HDAC9: variants seen among roughly 807,000 people sequenced by gnomAD.
HDAC9 encodes MEF-2 interacting transcription repressor (MITR) protein.
Under a neutral mutation model 139.4 loss-of-function variants are expected in HDAC9, and 41 were observed. The observed-to-expected ratio is 0.29, with a 90% confidence interval of 0.23 to 0.38. HDAC9 has a LOEUF of 0.38. Ranked by LOEUF, HDAC9 falls within the 10% of genes least tolerant of loss-of-function variation. HDAC9 has a pLI of 1.00. For synonymous variants in HDAC9, 517 were observed against 476.2 expected (o/e 1.09, Z -1.12); for missense variants, 1,147 against 1,297.0 (o/e 0.88, Z 1.78).
intron 1 of HDAC9, among the ~76,000 whole-genome samples, chr7:18,308,677 A>G (rs1190173842): frequency 6.6e-6 from 1 of 152,204 alleles, no homozygotes; most frequent in Non-Finnish European, 1.5e-5. Context: ...AGTGGAAACT[A>G]TATTAAGCAA....
At chr7:18,304,006 T>C (rs1446114650) in intron 1 of HDAC9, among the ~76,000 whole-genome samples, 1 of 152,224 alleles carries the variant, frequency 6.6e-6, no homozygotes, top group African/African-American at 2.4e-5. Flanking sequence ...GGTTTCTTTG[T>C]TACAGCAGCT....
intron 13 of HDAC9, among the ~76,000 whole-genome samples, chr7:18,740,860 C>T (rs1389210237): frequency 6.6e-6 from 1 of 152,124 alleles, no homozygotes; most frequent in African/African-American, 2.4e-5. Context: ...GAAAGCAAAA[C>T]AGCCTTATTG....
At chr7:18,507,665 AT>A (rs1325157843) in intron 2 of HDAC9, among the ~76,000 whole-genome samples, 7 of 151,834 alleles carry the variant, frequency 4.6e-5, no homozygotes, top group South Asian at 2.1e-4. Flanking sequence ...CTAAATTTGT[AT>A]TTTTAGTAAA....
intron 11 of HDAC9, among the ~76,000 whole-genome samples, chr7:18,660,499 A>C (rs554058297): frequency 6.6e-6 from 1 of 152,158 alleles, no homozygotes; most frequent in Non-Finnish European, 1.5e-5. Context: ...TGAAGCTCCA[A>C]TTAGGTGTTA....
chr7:18,265,866 C>T (rs4416737), intron 2 of HDAC9, among the ~76,000 whole-genome samples: 58,504 of 151,890 alleles, frequency 0.39, 12,656 homozygotes, highest in Admixed American at 0.51. Context: ...GATAATATTG[C>T]TCAAAGAGGA....
At chr7:18,971,996 G>T (rs1056921913) in intron 24 of HDAC9, among the ~76,000 whole-genome samples, 4 of 152,108 alleles carry the variant, frequency 2.6e-5, no homozygotes, top group Non-Finnish European at 5.9e-5. Flanking sequence ...TTTGTTTGTG[G>T]CCTAGACCTC....
At chr7:18,391,996 C>G (rs1005773785) in intron 1 of HDAC9, among the ~76,000 whole-genome samples, 1 of 152,096 alleles carries the variant, frequency 6.6e-6, no homozygotes, top group Non-Finnish European at 1.5e-5. Context: ...TGTATCTTTC[C>G]CTTATGTAAA....
Position 18,644,681 on chromosome 7 carries a change from C to T in HDAC9, c.923C>T (p.Ser308Leu), listed in dbSNP as rs1786798872. The T allele has an allele frequency of 6.2e-7, 1 of 1,608,876 alleles. No homozygotes were observed. The highest frequency in any genetic ancestry group is 1.7e-5 in the Admixed American group (1 of 59,286). Residue 308 changes from serine (S) to leucine (L), a missense_variant, in exon 9 of 26, where the codon TCA (serine) becomes TTA (leucine). Around this residue, in one of 7 missense-constraint regions of HDAC9, gnomAD observed 264 missense variants for 273.8 expected, o/e 0.96. Coordinates refer to ENST00000686413, the MANE Select transcript of HDAC9 (RefSeq NM_178425.4). ...PPTPHAEQMV[S>L]QQRILIHEDS... ...CTCTTTTTTTAACAGCAAATGGTTT[C>T]ACAGCAACGCATTCTAATTCATGAA...
At chr7:18,510,751 G>A (rs561454366) in intron 2 of HDAC9, among the ~76,000 whole-genome samples, 1 of 152,184 alleles carries the variant, frequency 6.6e-6, no homozygotes, top group East Asian at 1.9e-4. Context: ...AGTTAACATA[G>A]TGAGATATTA....
chr7:18,944,883 T>C (rs1782266963), intron 23 of HDAC9, among the ~76,000 whole-genome samples: 1 of 152,230 alleles, frequency 6.6e-6, no homozygotes, highest in South Asian at 2.1e-4. Flanking sequence ...TCCATTCACA[T>C]ATAGTATTCC....
At chr7:18,810,568 G>A (rs1438958415) in intron 17 of HDAC9, among the ~76,000 whole-genome samples, 1 of 151,848 alleles carries the variant, frequency 6.6e-6, no homozygotes, top group East Asian at 1.9e-4. Context: ...AGAACACACA[G>A]ATTTTCATAA....
intron 12 of HDAC9, among the ~76,000 whole-genome samples, chr7:18,697,025 C>T (rs563115364): frequency 1.2e-4 from 18 of 152,200 alleles, no homozygotes; most frequent in Admixed American, 3.3e-4. Context: ...AAAAGTAACC[C>T]AGAGACTTCC....
Position 18,738,250 on chromosome 7 carries a change from C to G in HDAC9, c.1909+10493C>G, listed in dbSNP as rs570238982. On this transcript the variant is annotated intron_variant, in intron 13 of 25. Transcript: ENST00000686413. ...TGTGTCTTTTAATTGGGGCAGTTAGCCCATTTAAATTTAAGGTTAATATTG... is the reference window on the plus strand; with the variant it reads ...TGTGTCTTTTAATTGGGGCAGTTAGGCCATTTAAATTTAAGGTTAATATTG... Among the ~76,000 whole-genome samples, 7 of 152,178 alleles carry G rather than the reference C, an allele frequency of 4.6e-5. No homozygotes were observed. The South Asian group carries it at 1.2e-3, about 27-fold the overall frequency.
At chr7:18,157,957 G>T (rs1787345330) in intron 1 of HDAC9, among the ~76,000 whole-genome samples, 1 of 152,058 alleles carries the variant, frequency 6.6e-6, no homozygotes, top group African/African-American at 2.4e-5. Flanking sequence ...GTTTTTGAAG[G>T]ATACTCTATG....
chr7:18,512,078 A>G (rs1490251917), intron 2 of HDAC9, among the ~76,000 whole-genome samples: 1 of 152,036 alleles, frequency 6.6e-6, no homozygotes, highest in Non-Finnish European at 1.5e-5. Flanking sequence ...AAAATTCAGT[A>G]TACTTCCAGC....
At chr7:18,908,388 G>A (rs1268434825) in intron 22 of HDAC9, among the ~76,000 whole-genome samples, 1 of 152,078 alleles carries the variant, frequency 6.6e-6, no homozygotes, top group Non-Finnish European at 1.5e-5. Context: ...ATTTCTTTGT[G>A]ATGGGAACAT....
At chr7:18,502,299 A>T (rs1233537763) in intron 2 of HDAC9, 1 of 152,168 alleles carries the variant, frequency 6.6e-6, no homozygotes, top group East Asian at 1.9e-4. Context: ...ATCATCCTTT[A>T]TTCTATATTG....
rs1796246047 is a variant in HDAC9 at position 18,269,894 on chromosome 7, G to A, written c.25+107545G>A. Among the ~76,000 whole-genome samples, 3 of 152,190 alleles carry A rather than the reference G, an allele frequency of 2.0e-5. No homozygotes were observed. In the South Asian group the frequency reaches 6.2e-4, roughly 32 times the overall value. On this transcript the variant is annotated intron_variant, in intron 2 of 12. Coordinates refer to the HDAC9 transcript ENST00000417496. Reference sequence around the variant, plus strand: ...TTATAACTTATTAAGTGTTATCATTGAGGTGAAAAGATCTCTTGAGTTTGA... The same window carrying A: ...TTATAACTTATTAAGTGTTATCATTAAGGTGAAAAGATCTCTTGAGTTTGA...
intron 25 of HDAC9, among the ~76,000 whole-genome samples, chr7:18,981,317 T>C (rs560733648): frequency 7.9e-5 from 12 of 152,180 alleles, no homozygotes; most frequent in Non-Finnish European, 1.6e-4. Flanking sequence ...TTCTGATTAT[T>C]TCTAGGAGCC....
Sources: allele counts gnomAD v4.1 joint callset (sites outside exome capture counted in the v4.1 genomes callset), GRCh38; gene constraint gnomAD v4.1.1; regional missense constraint gnomAD v4.1.1; transcripts MANE v1.5; gene names NCBI Gene and HGNC (gene_info 2026-07-23, HGNC 2026-07-21).